The following SPRED2 variants were observed in gnomAD, a reference collection of about 807,000 sequenced individuals.
SPRED2 encodes sprouty-related, EVH1 domain-containing protein 2.
In SPRED2, 47 loss-of-function variants were observed where a neutral mutation model predicts 43.0. The observed-to-expected ratio is 1.09, with a 90% confidence interval of 0.87 to 1.40. The LOEUF (loss-of-function observed/expected upper bound fraction) is 1.40, where lower values mean the gene tolerates loss of function less well. Ranked by LOEUF, SPRED2 falls within the 40% of genes most tolerant of loss-of-function variation. The probability of loss-of-function intolerance (pLI) is 0.00; values close to 1 mark genes in which losing one functional copy is unlikely to be tolerated. For synonymous variants in SPRED2, 225 were observed against 225.7 expected, an observed-to-expected ratio of 1.00 and a Z score of 0.03; for missense variants, 561 against 586.4, an observed-to-expected ratio of 0.96 and a Z score of 0.45.
At chr2:65,393,733 C>T (rs1675692146) in intron 1 of SPRED2, among the ~76,000 whole-genome samples, 1 of 152,036 alleles carries the variant, frequency 6.6e-6, no homozygotes, top group South Asian at 2.1e-4. Flanking sequence ...GGTCTGTGGC[C>T]CCCTTCTCAA....
chr2:65,310,741 G>T, downstream of SPRED2: 2 of 394,880 alleles, frequency 5.1e-6, no homozygotes, highest in Non-Finnish European at 6.9e-6. Context: ...GTGTCCACAT[G>T]TCCTTCGGCA....
chr2:65,317,084 T>G (rs1673262209), intron 4 of SPRED2, among the ~76,000 whole-genome samples: 2 of 152,172 alleles, frequency 1.3e-5, no homozygotes, highest in Non-Finnish European at 2.9e-5. Context: ...TGTGGCTGGT[T>G]CAACAGGCAG....
At position 65,429,711 on chromosome 2, in the gene SPRED2, G is replaced by A. The variant is rs528290741; in HGVS notation, c.26+2251C>T. Among the ~76,000 whole-genome samples, 8 of 152,310 alleles carry A rather than the reference G, an allele frequency of 5.3e-5. 1 individual carries two copies. In the South Asian group the frequency reaches 1.7e-3, roughly 32 times the overall value. ...TCTTCTCAGGCATTTTAAGTTTTGA[G>A]CCAAGGTCATCACATTAAAAATAAC... On this transcript the variant is annotated intron_variant, in intron 1 of 5. Coordinates refer to ENST00000356388, the MANE Select transcript of SPRED2 (RefSeq NM_181784.3).
At chr2:65,431,317 C>T (rs1676684009) in intron 1 of SPRED2, among the ~76,000 whole-genome samples, 1 of 151,548 alleles carries the variant, frequency 6.6e-6, no homozygotes, top group Non-Finnish European at 1.5e-5. Context: ...GACGCGTGTG[C>T]CGGCCACAAG....
In SPRED2 at chr2:65,313,136, T is replaced by C. The variant is rs555683526; in HGVS notation, c.*365A>G. ...ACCCACCGAAAATCAGCAGTTCCAA[T>C]TGCAGACTCCTTTGAACTGGAAGAG... On this transcript the variant is annotated 3_prime_UTR_variant, in exon 6 of 6. Transcript: ENST00000356388. 2.5e-5 allele frequency: 25 copies of C among 1,011,974 alleles called. No homozygotes were observed. The South Asian group carries it at 5.1e-4, about 21-fold the overall frequency. The allele number at this position is 1,011,974 out of a possible 1,614,324, so 62.7% of individuals were successfully genotyped here.
At chr2:65,380,427 G>C (rs1394778724) in intron 1 of SPRED2, among the ~76,000 whole-genome samples, 2 of 152,114 alleles carry the variant, frequency 1.3e-5, no homozygotes, top group Non-Finnish European at 2.9e-5. Flanking sequence ...GAAGTCAAAA[G>C]CTGTCTGGAA....
intron 1 of SPRED2, among the ~76,000 whole-genome samples, chr2:65,422,472 T>C (rs1369954166): frequency 6.6e-6 from 1 of 152,172 alleles, no homozygotes; most frequent in East Asian, 1.9e-4. Context: ...GCTCTGGTAT[T>C]GTATGGCAGG....
intron 4 of SPRED2, among the ~76,000 whole-genome samples, chr2:65,328,506 T>A (rs1673711816): frequency 6.6e-6 from 1 of 152,146 alleles, no homozygotes; most frequent in East Asian, 1.9e-4. Flanking sequence ...AAAATGGAAG[T>A]GTCGATCTGT....
intron 3 of SPRED2, among the ~76,000 whole-genome samples, chr2:65,333,271 A>G (rs990825683): frequency 2.0e-5 from 3 of 152,020 alleles, no homozygotes; most frequent in Admixed American, 1.3e-4. Context: ...AAAAAAAAAA[A>G]AAAAGAAAAA....
At chr2:65,396,731 T>C (rs1675767116) in intron 1 of SPRED2, among the ~76,000 whole-genome samples, 2 of 152,198 alleles carry the variant, frequency 1.3e-5, no homozygotes, top group South Asian at 2.1e-4. Context: ...TTCCCCTGTC[T>C]CCTCCAAGTG....
At chr2:65,371,246 G>A (rs902710694) in intron 1 of SPRED2, among the ~76,000 whole-genome samples, 11 of 152,150 alleles carry the variant, frequency 7.2e-5, no homozygotes, top group African/African-American at 2.7e-4. Flanking sequence ...CAGCATTAAT[G>A]GATAATGCAG....
chr2:65,423,774 T>A (rs1676493400), intron 1 of SPRED2, among the ~76,000 whole-genome samples: 1 of 7,268 alleles, frequency 1.4e-4, no homozygotes, highest in African/African-American at 6.0e-3. Flanking sequence ...CATTTATGCT[T>A]TTTTTTTTTT....
chr2:65,347,139 C>A (rs1023001571), intron 1 of SPRED2, among the ~76,000 whole-genome samples: 16 of 152,128 alleles, frequency 1.1e-4, no homozygotes, highest in African/African-American at 3.9e-4. Context: ...TCCAATAATT[C>A]TTTACCCTGT....
intron 1 of SPRED2, among the ~76,000 whole-genome samples, chr2:65,417,575 A>T (rs908887769): frequency 1.3e-5 from 2 of 152,154 alleles, no homozygotes; most frequent in African/African-American, 4.8e-5. Flanking sequence ...CTTTATCTCA[A>T]TTAATTTCCA....
Position 65,316,903 on chromosome 2 carries a change from C to A in SPRED2, c.439-20G>T. ...AGCTGTCTGTGTAGAGGGAGGTAAC[C>A]AAGAGTCAATTTAAAAACAACAACA... On this transcript the variant is annotated intron_variant, in intron 4 of 5. Coordinates refer to ENST00000356388, the MANE Select transcript of SPRED2 (RefSeq NM_181784.3). 1 of 1,611,326 alleles carries A rather than the reference C, an allele frequency of 6.2e-7. No homozygotes were observed.
Position 65,432,246 on chromosome 2 carries a change from C to T in SPRED2, c.-259G>A. The T allele has an allele frequency of 2.3e-6, 1 of 432,130 alleles. No homozygotes were observed. Among genetic ancestry groups the T allele is most frequent in the Non-Finnish European group, 4.2e-6 (1 of 239,520 alleles). The allele number at this position is 432,130 out of a possible 1,614,324, so 26.8% of individuals were successfully genotyped here. ...GAGGCGGGCGGAGGCTCCGGGGGCT[C>T]GGGAGCGGGCAGAGGGGGCGAGATT... On this transcript the variant is annotated 5_prime_UTR_variant, in exon 1 of 6. Coordinates refer to ENST00000356388, the MANE Select transcript of SPRED2 (RefSeq NM_181784.3).
At chr2:65,332,673 T>C (rs1673846576) in intron 3 of SPRED2, among the ~76,000 whole-genome samples, 1 of 152,244 alleles carries the variant, frequency 6.6e-6, no homozygotes, top group Admixed American at 6.5e-5. Context: ...TGCTTTGTTT[T>C]TCCAAGTCAA....
At chr2:65,339,781 AAC>A (rs1674127805) in intron 2 of SPRED2, among the ~76,000 whole-genome samples, 1 of 152,260 alleles carries the variant, frequency 6.6e-6, no homozygotes, top group East Asian at 1.9e-4. Context: ...GTGGTAATGT[AAC>A]AGAGTATGAA....
intron 1 of SPRED2, among the ~76,000 whole-genome samples, chr2:65,357,530 CG>C (rs1168839481): frequency 2.2e-4 from 34 of 152,298 alleles, no homozygotes; most frequent in South Asian, 1.2e-3. Flanking sequence ...TGACAACCCC[CG>C]ATCACACTTT....
Sources: allele counts gnomAD v4.1 joint callset (sites outside exome capture counted in the v4.1 genomes callset), GRCh38; gene constraint gnomAD v4.1.1; transcripts MANE v1.5; gene names NCBI Gene and HGNC (gene_info 2026-07-23, HGNC 2026-07-21).